The following DENND4A variants were observed in gnomAD, a reference collection of about 807,000 sequenced individuals.
DENND4A encodes the protein DENN domain containing 4A.
A neutral mutation model predicts 199.3 loss-of-function variants in DENND4A; 70 were observed. That is an observed-to-expected ratio of 0.35 (90% CI 0.29 to 0.43). The LOEUF is 0.43. Among genes scored for constraint, DENND4A ranks in the 20% least tolerant of loss-of-function variants. The probability of loss-of-function intolerance (pLI) is 1.00; values close to 1 mark genes in which losing one functional copy is unlikely to be tolerated. For synonymous variants in DENND4A, 686 were observed against 766.9 expected (o/e 0.89, Z 1.74); for missense variants, 1,723 against 2,255.8 (o/e 0.76, Z 4.78).
chr15:65,690,031 G>A (rs939842537), intron 23 of DENND4A, among the ~76,000 whole-genome samples: 13 of 152,222 alleles, frequency 8.5e-5, no homozygotes, highest in East Asian at 5.8e-4. Flanking sequence ...TAAGTCTATC[G>A]TAAGTTACTC....
At chr15:65,765,520 A>G (rs957714436) in intron 1 of DENND4A, among the ~76,000 whole-genome samples, 1 of 152,246 alleles carries the variant, frequency 6.6e-6, no homozygotes, top group Non-Finnish European at 1.5e-5. Context: ...AAATGGTAAC[A>G]TCTTGCAAAA....
chr15:65,695,114 T>C (rs2142111331), intron 22 of DENND4A, among the ~76,000 whole-genome samples: 1 of 152,358 alleles, frequency 6.6e-6, no homozygotes, highest in South Asian at 2.1e-4. Context: ...ATGTTTCTGT[T>C]ACAACAATTA....
Position 65,702,500 on chromosome 15 carries a change from T to C in DENND4A, c.2235A>G (p.Ser745=), listed in dbSNP as rs766849303. 10 of 1,581,260 alleles carry C rather than the reference T, an allele frequency of 6.3e-6. No homozygotes were observed. In the East Asian group the frequency reaches 2.1e-4, roughly 33 times the overall value. The change falls in exon 17 of 33, where the codon TCA becomes TCG. Residue 745 remains serine (S), a synonymous_variant. Transcript: ENST00000443035. The stretch of plus-strand genomic sequence containing the variant: ...AGTACCTCTTTGCAATTTTATGGGC[T>C]GATTTAATTTCCTGGAAAAAATATA... ...MFRRTKQEIK[S]AHKIAKRYSS...
At chr15:65,692,458 A>T (rs924877319) in intron 22 of DENND4A, among the ~76,000 whole-genome samples, 71 of 152,300 alleles carry the variant, frequency 4.7e-4, no homozygotes, top group African/African-American at 1.6e-3. Flanking sequence ...AGTATCATCA[A>T]CTATTCTTCT....
At chr15:65,718,979 C>T (rs976646277) in intron 12 of DENND4A, among the ~76,000 whole-genome samples, 4 of 150,954 alleles carry the variant, frequency 2.6e-5, no homozygotes, top group Admixed American at 6.6e-5. Flanking sequence ...GGGGTTTCAC[C>T]GTGTTGGCGA....
chr15:65,661,604 A>T lies in DENND4A; in HGVS notation c.*247T>A. The T allele has an allele frequency of 3.3e-6, 1 of 301,824 alleles. No homozygotes were observed. Among genetic ancestry groups the T allele is most frequent in the Non-Finnish European group, 6.1e-6 (1 of 164,822 alleles). The allele number at this position is 301,824 out of a possible 1,614,324, so 18.7% of individuals were successfully genotyped here. ...TTGTTTAGGGATTTCCTCATCACAA[A>T]AATACTTTATTTCCTATTACAGGGG... On this transcript the variant is annotated 3_prime_UTR_variant, in exon 33 of 33. Transcript: ENST00000443035.
intron 21 of DENND4A, 33 bp from the exon 22 acceptor site, chr15:65,696,530 T>C: frequency 6.4e-7 from 1 of 1,552,060 alleles, no homozygotes; most frequent in Non-Finnish European, 8.8e-7. Context: ...GTTAATAAAA[T>C]GAAATCTATA....
intron 14 of DENND4A, among the ~76,000 whole-genome samples, chr15:65,711,471 T>A (rs937911153): frequency 6.6e-6 from 1 of 152,040 alleles, no homozygotes; most frequent in African/African-American, 2.4e-5. Flanking sequence ...CCAGCCTGGG[T>A]GACAGAGAGA....
At chr15:65,716,647 G>T (rs1393885447) in intron 13 of DENND4A, among the ~76,000 whole-genome samples, 1 of 151,906 alleles carries the variant, frequency 6.6e-6, no homozygotes, top group Admixed American at 6.6e-5. Context: ...GTCTATCATT[G>T]TTGGACATTT....
At position 65,778,585 on chromosome 15, in the gene DENND4A, G is replaced by A. The variant is rs963947740; in HGVS notation, c.-102+13425C>T. ...TAAAGGAAGTCACATGAATTTTTTGGTTTCCTAGTGCATATAAAAAGTTAT... is the reference window on the plus strand; with the variant it reads ...TAAAGGAAGTCACATGAATTTTTTGATTTCCTAGTGCATATAAAAAGTTAT... On this transcript the variant is annotated intron_variant, in intron 1 of 32. Coordinates refer to ENST00000443035, the MANE Select transcript of DENND4A (RefSeq NM_001320835.1). Among the ~76,000 whole-genome samples, 10 of 152,034 alleles carry A rather than the reference G, an allele frequency of 6.6e-5. No homozygotes were observed. In the South Asian group the frequency reaches 8.3e-4, roughly 13 times the overall value.
intron 26 of DENND4A, 41 bp downstream of exon 26, chr15:65,669,972 G>T: frequency 6.2e-7 from 1 of 1,605,370 alleles, no homozygotes; most frequent in Non-Finnish European, 8.5e-7. Context: ...GATATTATAG[G>T]GAACATGATC....
At chr15:65,720,947 T>TTCTATATATATATATATATATA (rs1435137020) in intron 12 of DENND4A, among the ~76,000 whole-genome samples, 89 of 76,252 alleles carry the variant, frequency 1.2e-3, no homozygotes, top group South Asian at 2.0e-3. Context: ...GTTTCATTGA[T>TTCTATATATATATATATATATA]TATATATATA....
intron 3 of DENND4A, among the ~76,000 whole-genome samples, chr15:65,753,247 A>C (rs1047600449): frequency 2.6e-5 from 4 of 152,234 alleles, no homozygotes; most frequent in African/African-American, 7.2e-5. Context: ...GAACACTAAA[A>C]AAAATAGTGC....
At chr15:65,716,531 T>C (rs889060563) in intron 13 of DENND4A, among the ~76,000 whole-genome samples, 15 of 151,844 alleles carry the variant, frequency 9.9e-5, no homozygotes, top group African/African-American at 3.1e-4. Flanking sequence ...TTACTGAGAA[T>C]GATGATTTGC....
intron 2 of DENND4A, among the ~76,000 whole-genome samples, chr15:65,758,075 A>T (rs2076757869): frequency 6.6e-6 from 1 of 152,178 alleles, no homozygotes; most frequent in African/African-American, 2.4e-5. Context: ...TTTTCCACAG[A>T]CAAAGCCCAG....
rs1274441552 is a variant in DENND4A, at chr15:65,702,360, G to A, written c.2375C>T (p.Thr792Ile). 1.9e-6 allele frequency: 3 copies of A among 1,553,748 alleles called. No individual in the cohort carries two copies. The highest frequency in any genetic ancestry group is 2.6e-6 in the Non-Finnish European group (3 of 1,148,118). ...CATTTTTTTAAGCACATCATATGCTGTTTTCAGAGCCCTGACTTTTGAATG... is the reference window on the plus strand; with the variant it reads ...CATTTTTTTAAGCACATCATATGCTATTTTCAGAGCCCTGACTTTTGAATG... ...VCHSKVRALK[T>I]AYDVLKKMQS... Residue 792 changes from threonine to isoleucine, a missense_variant, in exon 17 of 33, where the codon ACA (threonine) becomes ATA (isoleucine). This residue lies in a region of DENND4A where 725 missense variants were observed against 952.9 expected (regional missense o/e 0.76). Coordinates refer to ENST00000443035, the MANE Select transcript of DENND4A (RefSeq NM_001320835.1).
Position 65,700,585 on chromosome 15 carries a change from C to A in DENND4A, c.2792G>T (p.Gly931Val), listed in dbSNP as rs774439942. The change falls in exon 20 of 33, where the codon GGT becomes GTT. Residue 931 changes from glycine to valine, a missense_variant. Gly to Val is a moderately radical substitution (Grantham distance 109, BLOSUM62 -3). This residue lies in a region of DENND4A where 650 missense variants were observed against 738.1 expected (regional missense o/e 0.88). Transcript: ENST00000443035. ...ATCAGTAGCATATACTTTGATTAAA[C>A]CCGTATTAAAAGGTGCCTGCTCCAC... The part of the protein sequence containing the change: ...HTVEQAPFNT[G>V]LIKVYATDDR... The A allele has an allele frequency of 1.9e-6, 3 of 1,545,246 alleles. No individual in the cohort carries two copies. The highest frequency in any genetic ancestry group is 2.6e-6 in the Non-Finnish European group (3 of 1,144,054).
At position 65,676,487 on chromosome 15, in the gene DENND4A, C is replaced by G; in HGVS notation, c.4327G>C (p.Asp1443His). ...CTTTCCAGGCTTATTCGGCTGAGAT[C>G]AATTCTCTTAGTCCCTGAAGTAGCA... The part of the protein sequence containing the change: ...TSATSGTKRI[D>H]LSRISLESSA... The change falls in exon 24 of 33, where the codon GAT becomes CAT. Residue 1443 changes from aspartate (D) to histidine (H), a missense_variant. Asp to His is a moderately conservative substitution (Grantham distance 81, BLOSUM62 -1). Coordinates refer to ENST00000443035, the MANE Select transcript of DENND4A (RefSeq NM_001320835.1). 1.9e-6 allele frequency: 3 copies of G among 1,611,928 alleles called. No homozygotes were observed. Among genetic ancestry groups the G allele is most frequent in the Non-Finnish European group, 2.5e-6 (3 of 1,178,822 alleles).
At chr15:65,669,743 T>C in intron 27 of DENND4A, 36 bp downstream of exon 27, 2 of 1,532,596 alleles carry the variant, frequency 1.3e-6, no homozygotes, top group Non-Finnish European at 1.8e-6. Context: ...TGTAAATATA[T>C]GTTGTTAAAA....
Sources: allele counts gnomAD v4.1 joint callset (sites outside exome capture counted in the v4.1 genomes callset), GRCh38; gene constraint gnomAD v4.1.1; regional missense constraint gnomAD v4.1.1; transcripts MANE v1.5; gene names NCBI Gene and HGNC (gene_info 2026-07-23, HGNC 2026-07-21).